The following SNX16 variants were observed in gnomAD, a reference collection of about 807,000 sequenced individuals.
SNX16 encodes the protein sorting nexin 16, also known as sorting nexin-16.
In SNX16, 35 loss-of-function variants were observed where a neutral mutation model predicts 36.7. That is an observed-to-expected ratio of 0.95 (90% CI 0.73 to 1.27). SNX16 has a LOEUF of 1.27. Ranked by LOEUF, SNX16 falls within the 50% of genes most tolerant of loss-of-function variation. The probability of loss-of-function intolerance (pLI) is 0.00; values close to 1 mark genes in which losing one functional copy is unlikely to be tolerated. For missense variants in SNX16, 367 were observed against 393.6 expected (o/e 0.93, Z 0.57); for synonymous variants, 134 against 132.0 (o/e 1.02, Z -0.10).
At chr8:81,811,996 A>G (rs1810277073) in intron 5 of SNX16, among the ~76,000 whole-genome samples, 1 of 152,112 alleles carries the variant, frequency 6.6e-6, no homozygotes, top group Non-Finnish European at 1.5e-5. Flanking sequence ...AAAATAAGCA[A>G]TTGAGAATTT....
chr8:81,834,137 C>A (rs938927305), intron 2 of SNX16, among the ~76,000 whole-genome samples: 1 of 152,158 alleles, frequency 6.6e-6, no homozygotes, highest in African/African-American at 2.4e-5. Flanking sequence ...GCCTTATAAT[C>A]ATGGTGGAAA....
chr8:81,799,602 T>A lies in SNX16; in HGVS notation c.*1895A>T, dbSNP rs936672687. ...CTACTGTTGTAGTGAAAAAATAATT[T>A]ATTAAATGAACATAATACTGGGAGT... On this transcript the variant is annotated 3_prime_UTR_variant, in exon 8 of 8. Coordinates refer to ENST00000345957, the MANE Select transcript of SNX16 (RefSeq NM_152836.3). The A allele has an allele frequency of 6.6e-6, 1 of 151,956 alleles. No individual in the cohort carries two copies. The highest frequency in any genetic ancestry group is 2.4e-5 in the African/African-American group (1 of 41,424). 9.4% of individuals were successfully genotyped at this position (151,956 alleles called of 1,614,324 possible). A position where few individuals can be genotyped will look rare whatever the true frequency, so the allele number is the denominator to read the frequency against.
chr8:81,823,411 A>C (rs1243052864), intron 4 of SNX16, among the ~76,000 whole-genome samples: 3 of 152,058 alleles, frequency 2.0e-5, no homozygotes, highest in Admixed American at 1.3e-4. Context: ...ATTACTTTGG[A>C]GAAATATAAA....
chr8:81,811,679 T>C (rs1375659030), intron 5 of SNX16, among the ~76,000 whole-genome samples: 1 of 152,076 alleles, frequency 6.6e-6, no homozygotes, highest in African/African-American at 2.4e-5. Context: ...GACAAAATAA[T>C]AATAACCACT....
chr8:81,816,929 T>C (rs903445950), intron 4 of SNX16, among the ~76,000 whole-genome samples: 4 of 152,214 alleles, frequency 2.6e-5, no homozygotes, highest in African/African-American at 9.6e-5. Flanking sequence ...CAACCCTCTC[T>C]AGTCATGGCC....
intron 3 of SNX16, among the ~76,000 whole-genome samples, chr8:81,827,153 G>A (rs1006248590): frequency 6.6e-6 from 1 of 152,002 alleles, no homozygotes; most frequent in East Asian, 1.9e-4. Context: ...GGATCAAGGA[G>A]ATATTTACTA....
intron 2 of SNX16, among the ~76,000 whole-genome samples, chr8:81,834,126 G>C (rs1055100486): frequency 1.3e-5 from 2 of 152,168 alleles, no homozygotes; most frequent in Admixed American, 1.3e-4. Context: ...TGGCTAGGGA[G>C]GCCTTATAAT....
At position 81,809,794 on chromosome 8, in the gene SNX16, G is replaced by A. The variant is rs73289744; in HGVS notation, c.681+5531C>T. Reference sequence around the variant, plus strand: ...GCATATGCAGTGAAGTTGAAGAGGAGAATATCTAACAATGAAACAATTGTA... The same window carrying A: ...GCATATGCAGTGAAGTTGAAGAGGAAAATATCTAACAATGAAACAATTGTA... On this transcript the variant is annotated intron_variant, in intron 5 of 7. Coordinates refer to ENST00000345957, the MANE Select transcript of SNX16 (RefSeq NM_152836.3). Among the ~76,000 whole-genome samples the A allele has an allele frequency of 8.1e-3, 1,240 of 152,280 alleles. 10 individuals are homozygous for A. The highest frequency in any genetic ancestry group is 0.026 in the African/African-American group (1,081 of 41,552).
chr8:81,840,109 G>T (rs974577282), intron 1 of SNX16, 27 bp from the exon 2 acceptor site: 6 of 1,159,222 alleles, frequency 5.2e-6, no homozygotes, highest in African/African-American at 4.6e-5. Flanking sequence ...CATATTAAAA[G>T]GTTAGTCTTT....
At chr8:81,817,335 T>C (rs1289563554) in intron 4 of SNX16, among the ~76,000 whole-genome samples, 3 of 152,216 alleles carry the variant, frequency 2.0e-5, no homozygotes, top group Admixed American at 6.5e-5. Flanking sequence ...TATCCCTTTT[T>C]ATATCTTTGG....
At chr8:81,805,834 T>C (rs1378135079) in intron 5 of SNX16, among the ~76,000 whole-genome samples, 1 of 152,016 alleles carries the variant, frequency 6.6e-6, no homozygotes, top group Non-Finnish European at 1.5e-5. Context: ...GGCAGGAGAA[T>C]GGCGTGAACC....
At chr8:81,825,697 T>C (rs1051079838) in intron 3 of SNX16, among the ~76,000 whole-genome samples, 1 of 152,140 alleles carries the variant, frequency 6.6e-6, no homozygotes, top group Non-Finnish European at 1.5e-5. Context: ...TATACTTAAA[T>C]ATAAAATGAA....
At chr8:81,813,591 T>C (rs1383217187) in intron 5 of SNX16, among the ~76,000 whole-genome samples, 1 of 151,762 alleles carries the variant, frequency 6.6e-6, no homozygotes, top group African/African-American at 2.4e-5. Flanking sequence ...AATAAATTCA[T>C]TAAAATTAAA....
intron 5 of SNX16, among the ~76,000 whole-genome samples, chr8:81,813,538 T>TA (rs1372281069): frequency 6.6e-6 from 1 of 151,778 alleles, no homozygotes; most frequent in Non-Finnish European, 1.5e-5. Context: ...AAAGAGTTTT[T>TA]ATAATACAAT....
chr8:81,829,416 A>G lies in SNX16; in HGVS notation c.462+14T>C. 19 of 1,205,310 alleles carry G rather than the reference A, an allele frequency of 1.6e-5. No individual in the cohort carries two copies. Among genetic ancestry groups the G allele is most frequent in the Non-Finnish European group, 2.1e-5 (19 of 894,592 alleles). The allele number at this position is 1,205,310 out of a possible 1,614,324, so 74.7% of individuals were successfully genotyped here. ...AAAACTGAAATGTTAGTTTGGATTT[A>G]TTATAGTACTTACTTTGTCATTAAG... On this transcript the variant is annotated intron_variant, in intron 3 of 7. Transcript: ENST00000345957.
intron 2 of SNX16, among the ~76,000 whole-genome samples, chr8:81,833,947 A>C (rs962468695): frequency 7.2e-5 from 11 of 152,302 alleles, no homozygotes; most frequent in African/African-American, 2.6e-4. Context: ...TGAATTATAA[A>C]ATATATACAA....
intron 4 of SNX16, among the ~76,000 whole-genome samples, chr8:81,815,907 C>A (rs1388478037): frequency 6.6e-6 from 1 of 152,084 alleles, no homozygotes; most frequent in Non-Finnish European, 1.5e-5. Flanking sequence ...AGAAAAAATT[C>A]TAACCATCCT....
chr8:81,830,317 C>G (rs1811195140), intron 2 of SNX16, among the ~76,000 whole-genome samples: 1 of 152,030 alleles, frequency 6.6e-6, no homozygotes, highest in Non-Finnish European at 1.5e-5. Flanking sequence ...CACCTGTAAT[C>G]CCAGCATTTT....
rs920071528 is a variant in SNX16, at chr8:81,808,192, G to A, written c.682-4964C>T. ...AGTGATTGAAATCATGACTGACCAA[G>A]GCAGTGGCAAGAAAAGGGGCTTTGC... On this transcript the variant is annotated intron_variant, in intron 5 of 7. Transcript: ENST00000345957. 16 of 1,328,880 alleles carry A rather than the reference G, an allele frequency of 1.2e-5. No individual in the cohort carries two copies. The Admixed American group carries it at 1.5e-4, about 13-fold the overall frequency. 82.3% of individuals were successfully genotyped at this position (1,328,880 alleles called of 1,614,324 possible).
Sources: allele counts gnomAD v4.1 joint callset (sites outside exome capture counted in the v4.1 genomes callset), GRCh38; gene constraint gnomAD v4.1.1; transcripts MANE v1.5; gene names NCBI Gene and HGNC (gene_info 2026-07-23, HGNC 2026-07-21).